Variants in TRPC7 observed in about 807,000 individuals in gnomAD.
The protein encoded by TRPC7 is short transient receptor potential channel 7.
In TRPC7, 42 loss-of-function variants were observed where a neutral mutation model predicts 90.1. The ratio of observed to expected loss-of-function variants is 0.47; its 90% confidence interval spans 0.36 to 0.60. TRPC7 has a LOEUF of 0.60. Ranked by LOEUF, TRPC7 falls within the 20% of genes least tolerant of loss-of-function variation. The pLI, the probability that TRPC7 is intolerant of heterozygous loss-of-function variation, is 0.00. For missense variants in TRPC7, 955 were observed against 1,112.3 expected (o/e 0.86, Z 2.01); for synonymous variants, 451 against 436.3 (o/e 1.03, Z -0.42).
chr5:136,274,701 A>G lies in TRPC7; in HGVS notation c.1100T>C (p.Ile367Thr), dbSNP rs377699054. 8 of 1,613,584 alleles carry G rather than the reference A, an allele frequency of 5.0e-6. No individual in the cohort carries two copies. The African/African-American group carries it at 6.7e-5, about 13-fold the overall frequency. ...GCTGCACGGAGCAATCCAATAGGCT[A>G]TGGCGAGAAAAGGGAGGCCTATGGA... ...GVSIGLPFLA[I>T]AYWIAPCSKL... The change falls in exon 4 of 12, where the codon ATA becomes ACA. Residue 367 changes from isoleucine to threonine, a missense_variant. Ile to Thr is a moderately conservative substitution (Grantham distance 89). Coordinates refer to ENST00000513104, the MANE Select transcript of TRPC7 (RefSeq NM_020389.3).
At chr5:136,297,505 A>G (rs187304028) in intron 3 of TRPC7, among the ~76,000 whole-genome samples, 146 of 152,256 alleles carry the variant, frequency 9.6e-4, no homozygotes, top group East Asian at 3.9e-4. Flanking sequence ...TAAGTATGTA[A>G]TAGCTATAAA....
chr5:136,286,776 C>T (rs1485824482), intron 3 of TRPC7, among the ~76,000 whole-genome samples: 2 of 152,202 alleles, frequency 1.3e-5, no homozygotes, highest in African/African-American at 4.8e-5. Flanking sequence ...TTGTCTCCTT[C>T]TCCATGGGAC....
At chr5:136,258,609 G>A (rs911968331) in intron 5 of TRPC7, among the ~76,000 whole-genome samples, 1 of 152,222 alleles carries the variant, frequency 6.6e-6, no homozygotes, top group Admixed American at 6.5e-5. Context: ...GGAAGTGCCA[G>A]GAAGCCTCAA....
At chr5:136,284,490 T>A (rs939556057) in intron 3 of TRPC7, among the ~76,000 whole-genome samples, 1 of 152,196 alleles carries the variant, frequency 6.6e-6, no homozygotes, top group Admixed American at 6.5e-5. Flanking sequence ...TAAAGCCACA[T>A]CTACCTACAC....
At position 136,365,306 on chromosome 5, in the gene TRPC7, G is replaced by A; in HGVS notation, c.-52C>T. 2.0e-6 allele frequency: 3 copies of A among 1,535,926 alleles called. No homozygotes were observed. Among genetic ancestry groups the A allele is most frequent in the Non-Finnish European group, 2.6e-6 (3 of 1,145,732 alleles). ...CTCCTCTAGATGACCGGAATCCGGT[G>A]TTGAGTCGCCAGAAGCTGGCTCCCC... On this transcript the variant is annotated 5_prime_UTR_variant, in exon 1 of 12. Coordinates refer to ENST00000513104, the MANE Select transcript of TRPC7 (RefSeq NM_020389.3).
rs1757424010 is a variant in TRPC7 at position 136,278,079 on chromosome 5, G to A, written c.964-3242C>T. Among the ~76,000 whole-genome samples, 10 of 152,342 alleles carry A rather than the reference G, an allele frequency of 6.6e-5. 1 individual carries two copies. In the Middle Eastern group the frequency reaches 0.017, roughly 259 times the overall value. On this transcript the variant is annotated intron_variant, in intron 3 of 11. Transcript: ENST00000513104. Reference sequence around the variant, plus strand: ...TGGGTGAGGGAGGGACTGGAGAGGAGTTGGCCTGCAGGGAGAGATAGGAGG... The same window carrying A: ...TGGGTGAGGGAGGGACTGGAGAGGAATTGGCCTGCAGGGAGAGATAGGAGG...
intron 3 of TRPC7, among the ~76,000 whole-genome samples, chr5:136,309,568 G>A (rs1192287267): frequency 6.6e-6 from 1 of 152,100 alleles, no homozygotes. Context: ...GTGAAGGGGT[G>A]GGAGGCATGA....
At chr5:136,279,741 A>G (rs1161795075) in intron 3 of TRPC7, among the ~76,000 whole-genome samples, 1 of 152,172 alleles carries the variant, frequency 6.6e-6, no homozygotes, top group Non-Finnish European at 1.5e-5. Context: ...GTTTTCTTGG[A>G]TTATTTTCAA....
rs748334823 is a variant in TRPC7 at position 136,357,133 on chromosome 5, G to T, written c.255C>A (p.Ala85=). ...TGACCTCTAGGTGCTCGTTGCCCAC[G>T]GCCAGCTGCAGAGCGTTCTGCCCCA... The part of the protein sequence containing the change: ...DYMGQNALQL[A]VGNEHLEVTE... Residue 85 remains alanine (A), a synonymous_variant, in exon 2 of 12, where the codon GCC becomes GCA. Coordinates refer to ENST00000513104, the MANE Select transcript of TRPC7 (RefSeq NM_020389.3). 6.2e-7 allele frequency: 1 copy of T among 1,613,968 alleles called. No homozygotes were observed. Among genetic ancestry groups the T allele is most frequent in the African/African-American group, 1.3e-5 (1 of 74,914 alleles).
rs1409990274 is a variant in TRPC7 at position 136,247,289 on chromosome 5, TAACTC to T, written c.1844+177_1844+181del. ...AAATGTAAGTGGCAAAGTGAGGATT[TAACTC>T]AACTCATCTGTTCAACTCCAGAACC... is the stretch of plus-strand genomic sequence containing the variant. On this transcript the variant is annotated intron_variant, in intron 7 of 11. Transcript: ENST00000513104. This position sits in a 1 kb window ranked among gnomAD's most constrained non-coding sequence, Gnocchi z 4.2. Among the ~76,000 whole-genome samples the T allele has an allele frequency of 1.3e-5, 2 of 152,144 alleles. No homozygotes were observed. Among genetic ancestry groups the T allele is most frequent in the East Asian group, 3.9e-4 (2 of 5,188 alleles).
At chr5:136,274,500 C>G (rs984875378) in intron 4 of TRPC7, among the ~76,000 whole-genome samples, 173 bp downstream of exon 4, 2 of 151,984 alleles carry the variant, frequency 1.3e-5, no homozygotes, top group Non-Finnish European at 1.5e-5. Context: ...TAAAAAAGCA[C>G]GTCTTAACAT....
chr5:136,266,049 CTG>C (rs1443001714), intron 5 of TRPC7, among the ~76,000 whole-genome samples, 169 bp downstream of exon 5: 32 of 152,282 alleles, frequency 2.1e-4, no homozygotes, highest in Middle Eastern at 3.4e-3. Context: ...GTATACAGGT[CTG>C]TGTATCTTAA....
chr5:136,321,907 T>C (rs952336107), intron 2 of TRPC7, among the ~76,000 whole-genome samples: 3 of 152,198 alleles, frequency 2.0e-5, no homozygotes, highest in African/African-American at 7.2e-5. Flanking sequence ...ACATCCACTA[T>C]ATGGATGTAT....
chr5:136,352,613 G>A (rs749141918), intron 2 of TRPC7, among the ~76,000 whole-genome samples: 10 of 152,028 alleles, frequency 6.6e-5, no homozygotes, highest in East Asian at 1.9e-4. Flanking sequence ...CACAGAGAGC[G>A]CATATTCCAC....
intron 11 of TRPC7, among the ~76,000 whole-genome samples, chr5:136,215,598 G>C (rs147459304): frequency 2.0e-5 from 3 of 152,056 alleles, no homozygotes; most frequent in Non-Finnish European, 4.4e-5. Context: ...TGAGATGGGC[G>C]GATCACAAGG....
intron 2 of TRPC7, among the ~76,000 whole-genome samples, chr5:136,352,832 G>A (rs1760241111): frequency 6.6e-6 from 1 of 152,188 alleles, no homozygotes; most frequent in Non-Finnish European, 1.5e-5. Context: ...TATTTAATGT[G>A]TATGGACTTT....
intron 11 of TRPC7, 125 bp downstream of exon 11, chr5:136,216,075 T>C: frequency 1.3e-6 from 1 of 751,384 alleles, no homozygotes. Flanking sequence ...GCAAGGAGAC[T>C]GAGCCTCCCT....
chr5:136,304,457 T>C (rs1317794493), intron 3 of TRPC7, among the ~76,000 whole-genome samples: 1 of 152,198 alleles, frequency 6.6e-6, no homozygotes, highest in African/African-American at 2.4e-5. Context: ...ATCTGCGCCT[T>C]ATCAACCAAA....
At chr5:136,221,596 T>A (rs1361333615) in intron 10 of TRPC7, among the ~76,000 whole-genome samples, 1 of 152,048 alleles carries the variant, frequency 6.6e-6, no homozygotes, top group Non-Finnish European at 1.5e-5. Flanking sequence ...TGAGGTAGGA[T>A]CCAGAGGGAA....
Sources: allele counts gnomAD v4.1 joint callset (sites outside exome capture counted in the v4.1 genomes callset), GRCh38; gene constraint gnomAD v4.1.1; non-coding constraint Gnocchi (gnomAD v3.1); transcripts MANE v1.5; gene names NCBI Gene and HGNC (gene_info 2026-07-23, HGNC 2026-07-21).